Variants in TRIM37 observed in about 807,000 individuals in gnomAD.
TRIM37 encodes E3 ubiquitin-protein ligase TRIM37.
A neutral mutation model predicts 129.8 loss-of-function variants in TRIM37; 80 were observed. That is an observed-to-expected ratio of 0.62 (90% CI 0.51 to 0.74). The LOEUF is 0.74. TRIM37 is among the 30% of genes least tolerant of loss of function. TRIM37 has a pLI of 0.00. For missense variants in TRIM37, 1,054 were observed against 1,176.5 expected (o/e 0.90, Z 1.52); for synonymous variants, 389 against 387.1 (o/e 1.00, Z -0.06).
At chr17:59,033,550 A>C (rs1219510767) in intron 17 of TRIM37, among the ~76,000 whole-genome samples, 2 of 151,964 alleles carry the variant, frequency 1.3e-5, no homozygotes, top group Non-Finnish European at 2.9e-5. Context: ...CTCCTGCCTC[A>C]GCCTCCCGTA....
At chr17:59,035,794 C>G (rs1359826965) in intron 17 of TRIM37, among the ~76,000 whole-genome samples, 17 of 151,950 alleles carry the variant, frequency 1.1e-4, no homozygotes, top group Non-Finnish European at 7.4e-5. Context: ...AAAAACCATG[C>G]TTCTGAAGTT....
chr17:59,076,022 T>C (rs1438447057), intron 7 of TRIM37, among the ~76,000 whole-genome samples: 1 of 152,242 alleles, frequency 6.6e-6, no homozygotes, highest in East Asian at 1.9e-4. Flanking sequence ...TAGATTTTCA[T>C]ATTCCCTTGG....
chr17:59,009,252 C>T (rs944360296), intron 22 of TRIM37, among the ~76,000 whole-genome samples: 10 of 151,926 alleles, frequency 6.6e-5, no homozygotes, highest in East Asian at 1.9e-4. Flanking sequence ...CTCAGCCTCT[C>T]GAGTAGCTGG....
In TRIM37 at chr17:58,998,325, C is replaced by T. The variant is rs1190241083; in HGVS notation, c.*1052G>A. ...TGAACAATATTCACTAAGTAAAATA[C>T]AGCAGATGAGATGTCTCTCACATGT... On this transcript the variant is annotated 3_prime_UTR_variant, in exon 24 of 24. Transcript: ENST00000262294. The T allele has an allele frequency of 4.1e-6, 4 of 985,224 alleles. No homozygotes were observed. The South Asian group carries it at 1.9e-4, about 46-fold the overall frequency. The allele number at this position is 985,224 out of a possible 1,614,324, so 61.0% of individuals were successfully genotyped here.
the TRIM37 span, among the ~76,000 whole-genome samples, chr17:58,971,313 T>C: frequency 6.6e-6 from 1 of 152,146 alleles, no homozygotes; most frequent in Non-Finnish European, 1.5e-5. Context: ...AAGTTGTTTT[T>C]CTCATTGGAT....
At chr17:58,996,063 G>A (rs2032959125), downstream of TRIM37, among the ~76,000 whole-genome samples, 1 of 152,042 alleles carries the variant, frequency 6.6e-6, no homozygotes, top group Admixed American at 6.6e-5. Context: ...CAAAGTATCT[G>A]CCCCAAATAT....
At chr17:58,994,716 A>C (rs114735674), downstream of TRIM37, among the ~76,000 whole-genome samples, 577 of 152,212 alleles carry the variant, frequency 3.8e-3, 3 homozygotes, top group African/African-American at 0.013. Context: ...CACAGATGCT[A>C]AGGAACAGCT....
At position 59,088,705 on chromosome 17, in the gene TRIM37, C is replaced by T. The variant is rs575541463; in HGVS notation, c.165-298G>A. ...CTAATTTTAAAATTTTTTGTAGAGA[C>T]GGGAATCTTGCTATATTTCCCAGGC... On this transcript the variant is annotated intron_variant, in intron 3 of 23. Coordinates refer to ENST00000262294, the MANE Select transcript of TRIM37 (RefSeq NM_015294.6). 1.8e-3 allele frequency among the ~76,000 whole-genome samples: 276 copies of T among 151,860 alleles called. 1 individual carries two copies. Among genetic ancestry groups the T allele is most frequent in the African/African-American group, 6.4e-3 (263 of 41,402 alleles).
chr17:59,105,184 G>A (rs1236706310), intron 1 of TRIM37, among the ~76,000 whole-genome samples: 1 of 151,646 alleles, frequency 6.6e-6, no homozygotes, highest in African/African-American at 2.4e-5. Context: ...TTCCCCAAAA[G>A]GTATAAACTG....
At chr17:59,101,155 T>C (rs1490912300) in intron 2 of TRIM37, among the ~76,000 whole-genome samples, 3 of 152,170 alleles carry the variant, frequency 2.0e-5, no homozygotes, top group Non-Finnish European at 4.4e-5. Context: ...CAATATTTGC[T>C]GAATGAATGA....
At chr17:58,998,021 C>A (rs1429709788), downstream of TRIM37, among the ~76,000 whole-genome samples, 1 of 152,206 alleles carries the variant, frequency 6.6e-6, no homozygotes, top group Non-Finnish European at 1.5e-5. Flanking sequence ...CTGAAGAAAT[C>A]TTTTGGCCTT....
intron 1 of TRIM37, among the ~76,000 whole-genome samples, 168 bp downstream of exon 1, chr17:59,106,273 C>G (rs2045981080): frequency 6.6e-6 from 1 of 152,194 alleles, no homozygotes; most frequent in African/African-American, 2.4e-5. Context: ...ACACCCGGAG[C>G]GCTGCAGAAT....
chr17:59,042,099 G>A (rs905343624), intron 16 of TRIM37, among the ~76,000 whole-genome samples: 6 of 151,926 alleles, frequency 3.9e-5, no homozygotes, highest in South Asian at 4.2e-4. Flanking sequence ...AATATCGGCC[G>A]GGCGCGGTGG....
At chr17:59,085,469 A>T (rs2043671667) in intron 4 of TRIM37, among the ~76,000 whole-genome samples, 1 of 152,186 alleles carries the variant, frequency 6.6e-6, no homozygotes, top group African/African-American at 2.4e-5. Flanking sequence ...CATTACTACT[A>T]ATCACTAGAG....
At chr17:58,986,835 G>A (rs1469989211) in intron 24 of TRIM37, among the ~76,000 whole-genome samples, 1 of 152,180 alleles carries the variant, frequency 6.6e-6, no homozygotes, top group Non-Finnish European at 1.5e-5. Context: ...ACAGCAATTA[G>A]TAAAGAACAC....
intron 12 of TRIM37, among the ~76,000 whole-genome samples, chr17:59,058,370 G>A (rs2041165810): frequency 1.3e-5 from 2 of 152,154 alleles, no homozygotes; most frequent in African/African-American, 4.8e-5. Flanking sequence ...AACAGACACT[G>A]GGGTATGCTT....
At chr17:59,021,646 G>T (rs542402707) in intron 19 of TRIM37, among the ~76,000 whole-genome samples, 252 of 151,996 alleles carry the variant, frequency 1.7e-3, no homozygotes, top group African/African-American at 5.4e-3. Flanking sequence ...GGTGGCTGGG[G>T]GGATGGTTAA....
At chr17:59,100,388 T>C (rs2045345819) in intron 2 of TRIM37, among the ~76,000 whole-genome samples, 1 of 152,104 alleles carries the variant, frequency 6.6e-6, no homozygotes, top group African/African-American at 2.4e-5. Context: ...TTGTGGTAAA[T>C]ACATACAATG....
intron 8 of TRIM37, among the ~76,000 whole-genome samples, chr17:59,071,442 T>A (rs1412028625): frequency 6.6e-6 from 1 of 152,012 alleles, no homozygotes; most frequent in Admixed American, 6.6e-5. Context: ...GGTGCCACCA[T>A]ACCCAGGTAA....
Sources: gnomAD v4.1 joint callset for allele counts (sites outside exome capture counted in the v4.1 genomes callset) on GRCh38, gnomAD v4.1.1 for gene constraint, MANE v1.5 for transcripts, NCBI Gene and HGNC (gene_info 2026-07-23, HGNC 2026-07-21) for gene names.